Variants in BAZ2B observed in about 807,000 individuals in gnomAD.
BAZ2B encodes bromodomain adjacent to zinc finger domain 2B.
BAZ2B carries 91 observed loss-of-function variants against 246.0 expected under a neutral mutation model. The ratio of observed to expected loss-of-function variants is 0.37; its 90% CI spans 0.31 to 0.44. BAZ2B has a LOEUF of 0.44. BAZ2B is among the 20% of genes least tolerant of loss of function. The probability of loss-of-function intolerance (pLI) is 1.00; values close to 1 mark genes in which losing one functional copy is unlikely to be tolerated. For synonymous variants in BAZ2B, 855 were observed against 860.0 expected (o/e 0.99, Z 0.10); for missense variants, 2,332 against 2,533.7 (o/e 0.92, Z 1.71).
intron 2 of BAZ2B, among the ~76,000 whole-genome samples, chr2:159,547,308 A>G (rs1456664124): frequency 6.6e-6 from 1 of 152,174 alleles, no homozygotes; most frequent in Non-Finnish European, 1.5e-5. Context: ...CTTCAGGAAT[A>G]TTTGTATTAG....
Position 159,453,812 on chromosome 2 carries a change from A to G in BAZ2B, c.146-11T>C. On this transcript the variant is annotated splice_polypyrimidine_tract_variant and intron_variant, in intron 3 of 36. Transcript: ENST00000392783. ...TTCTGAATAAATGTCCTGGGAGGGA[A>G]AAAAACACACTTAAAGTTGTACTAT... 1 of 1,572,802 alleles carries G rather than the reference A, an allele frequency of 6.4e-7. No individual in the cohort carries two copies. The highest frequency in any genetic ancestry group is 8.6e-7 in the Non-Finnish European group (1 of 1,157,526).
intron 3 of BAZ2B, among the ~76,000 whole-genome samples, chr2:159,477,378 T>C (rs1176860951): frequency 6.6e-6 from 1 of 151,816 alleles, no homozygotes; most frequent in Non-Finnish European, 1.5e-5. Context: ...TACACACACA[T>C]ATAGTGCTAT....
intron 2 of BAZ2B, among the ~76,000 whole-genome samples, chr2:159,549,987 C>T (rs765116069): frequency 6.6e-6 from 1 of 151,848 alleles, no homozygotes; most frequent in Non-Finnish European, 1.5e-5. Context: ...CCACGCCTGG[C>T]GAATTTTTGT....
At position 159,337,727 on chromosome 2, in the gene BAZ2B, A is replaced by G; in HGVS notation, c.5500T>C (p.Tyr1834His). Residue 1834 changes from tyrosine (Y) to histidine (H), a missense_variant, in exon 32 of 37, where the codon TAT becomes CAT. Tyr to His is a moderately conservative substitution (Grantham distance 83). Around this residue, in one of 9 missense-constraint regions of BAZ2B, gnomAD observed 676 missense variants for 668.6 expected, o/e 1.01. Transcript: ENST00000392783. ...TTAGTAAATGATTTATGTTCAAAAT[A>G]TACCAAGTCCTCCCTTTCTGATGCA... Reference protein sequence around the residue: ...EPASEREDLVYFEHKSFTKLC... With the variant: ...EPASEREDLVHFEHKSFTKLC... The G allele has an allele frequency of 6.2e-7, 1 of 1,614,202 alleles. No individual in the cohort carries two copies. The highest frequency in any genetic ancestry group is 1.1e-5 in the South Asian group (1 of 91,082).
intron 14 of BAZ2B, among the ~76,000 whole-genome samples, chr2:159,409,413 A>C (rs576835112): frequency 1.3e-5 from 2 of 152,342 alleles, no homozygotes; most frequent in South Asian, 4.1e-4. Flanking sequence ...TCAGTCAATC[A>C]ACAAGCAGGT....
chr2:159,453,569 A>G, intron 4 of BAZ2B, 44 bp downstream of exon 4: 1 of 1,522,406 alleles, frequency 6.6e-7, no homozygotes. Context: ...AACATTCTCA[A>G]GCTTTCCTCC....
At chr2:159,379,488 G>A (rs938971900) in intron 25 of BAZ2B, among the ~76,000 whole-genome samples, 2 of 152,014 alleles carry the variant, frequency 1.3e-5, no homozygotes, top group African/African-American at 4.8e-5. Flanking sequence ...TGAATCTTAC[G>A]TTAAATGTTT....
intron 2 of BAZ2B, among the ~76,000 whole-genome samples, chr2:159,513,978 C>T (rs1186843854): frequency 1.3e-5 from 2 of 152,272 alleles, no homozygotes; most frequent in Admixed American, 1.3e-4. Context: ...GCTCCTGCCT[C>T]ATGCCCTCTG....
chr2:159,428,397 T>C lies in BAZ2B; in HGVS notation c.2278A>G (p.Arg760Gly), dbSNP rs199989751. 150 of 1,613,102 alleles carry C rather than the reference T, an allele frequency of 9.3e-5. No individual in the cohort carries two copies. The highest frequency in any genetic ancestry group is 1.3e-4 in the Non-Finnish European group (150 of 1,179,558). ...CCTTGAAGGCGCCCTCCAAAGTTTC[T>C]TATTCTTGTCTCTCTCTGCCAGCTA... is the stretch of plus-strand genomic sequence containing the variant. ...EYGWQRETRI[R>G]NFGGRLQGEV... Residue 760 changes from arginine (R) to glycine (G), a missense_variant, in exon 12 of 37, where the codon AGA (arginine) becomes GGA (glycine). This residue lies in a region of BAZ2B where 651 missense variants were observed against 650.9 expected (regional missense o/e 1.00). Transcript: ENST00000392783.
chr2:159,335,174 A>G (rs892487683), intron 33 of BAZ2B, among the ~76,000 whole-genome samples: 1 of 152,216 alleles, frequency 6.6e-6, no homozygotes, highest in Non-Finnish European at 1.5e-5. Flanking sequence ...GCTGGTTTTA[A>G]TAATAATTTT....
At chr2:159,351,045 C>T (rs2058505954) in intron 27 of BAZ2B, among the ~76,000 whole-genome samples, 3 of 152,026 alleles carry the variant, frequency 2.0e-5, no homozygotes, top group East Asian at 3.9e-4. Context: ...TACCCTAAAA[C>T]TTAAAGTATA....
At chr2:159,463,301 G>A (rs1019354550) in intron 3 of BAZ2B, 1 of 329,752 alleles carries the variant, frequency 3.0e-6, no homozygotes. Context: ...TAAAAAAGAC[G>A]ATTCCTTAAC....
At chr2:159,647,551 T>C in the BAZ2B span, among the ~76,000 whole-genome samples, 2 of 152,168 alleles carry the variant, frequency 1.3e-5, no homozygotes, top group African/African-American at 4.8e-5. Context: ...ACTGACCAAA[T>C]ACCTGAGCAC....
intron 18 of BAZ2B, 82 bp from the exon 19 acceptor site, chr2:159,397,471 G>A (rs1407607489): frequency 2.2e-6 from 2 of 898,250 alleles, no homozygotes; most frequent in Non-Finnish European, 3.3e-6. Flanking sequence ...CCTTTTCTGA[G>A]ATTCTATAGT....
intron 33 of BAZ2B, among the ~76,000 whole-genome samples, chr2:159,334,421 A>T (rs1286773266): frequency 6.6e-6 from 1 of 152,056 alleles, no homozygotes; most frequent in Non-Finnish European, 1.5e-5. Flanking sequence ...AATTATGACA[A>T]CTCCCTCTTT....
At chr2:159,496,508 G>T (rs1577779519) in intron 2 of BAZ2B, among the ~76,000 whole-genome samples, 1 of 127,484 alleles carries the variant, frequency 7.8e-6, no homozygotes, top group Admixed American at 8.2e-5. Context: ...AAAAAAGCCA[G>T]CCACGGTGGC....
chr2:159,344,259 C>T (rs976545840), intron 31 of BAZ2B, among the ~76,000 whole-genome samples: 7 of 151,834 alleles, frequency 4.6e-5, no homozygotes, highest in South Asian at 2.1e-4. Flanking sequence ...GACATCTGGC[C>T]GGGTGTGGTG....
chr2:159,701,893 T>C, the BAZ2B span, among the ~76,000 whole-genome samples: 4 of 151,948 alleles, frequency 2.6e-5, no homozygotes. Flanking sequence ...CACACCCAGC[T>C]AATTTTTGTA....
rs771908035 is a variant in BAZ2B, at chr2:159,320,088, T to C, written c.*177A>G. Reference sequence around the variant, plus strand: ...ACAAACCAATAACCGAGGGCCTTGGTTGTTGTAGGAATGAAGCCTTTAAAA... The same window carrying C: ...ACAAACCAATAACCGAGGGCCTTGGCTGTTGTAGGAATGAAGCCTTTAAAA... On this transcript the variant is annotated 3_prime_UTR_variant, in exon 37 of 37. Coordinates refer to ENST00000392783, the MANE Select transcript of BAZ2B (RefSeq NM_013450.4). 1.9e-6 allele frequency: 1 copy of C among 528,692 alleles called. No individual in the cohort carries two copies. The highest frequency in any genetic ancestry group is 3.0e-6 in the Non-Finnish European group (1 of 334,442). The allele number at this position is 528,692 out of a possible 1,614,324, so 32.8% of individuals were successfully genotyped here. A position where few individuals can be genotyped will look rare whatever the true frequency, so the allele number is the denominator to read the frequency against.
Sources: gnomAD v4.1 joint callset for allele counts (sites outside exome capture counted in the v4.1 genomes callset) on GRCh38, gnomAD v4.1.1 for gene constraint, gnomAD v4.1.1 regional missense constraint, MANE v1.5 for transcripts, NCBI Gene and HGNC (gene_info 2026-07-23, HGNC 2026-07-21) for gene names.